NAV2: variants seen among roughly 807,000 people sequenced by gnomAD.
NAV2 encodes the protein neuron navigator 2.
In NAV2, 54 loss-of-function variants were observed where a neutral mutation model predicts 223.2. That is an observed-to-expected ratio of 0.24 (90% CI 0.19 to 0.30). The LOEUF is 0.30. Among genes scored for constraint, NAV2 ranks in the 10% least tolerant of loss-of-function variants. The pLI is 1.00. For synonymous variants in NAV2, 1,279 were observed against 1,239.3 expected, an observed-to-expected ratio of 1.03 and a Z score of -0.67; for missense variants, 2,806 against 3,147.5, an observed-to-expected ratio of 0.89 and a Z score of 2.60.
intron 1 of NAV2, among the ~76,000 whole-genome samples, chr11:19,426,342 C>T (rs964533235): frequency 2.6e-5 from 4 of 152,174 alleles, no homozygotes; most frequent in Non-Finnish European, 5.9e-5. Context: ...TTCCCCAGGG[C>T]ATTTAATGGC....
At chr11:19,790,622 T>A (rs2057449955) in intron 1 of NAV2, among the ~76,000 whole-genome samples, 1 of 152,198 alleles carries the variant, frequency 6.6e-6, no homozygotes, top group Admixed American at 6.5e-5. Context: ...CTATGATTCC[T>A]CCTCTGTAAG....
At chr11:19,508,533 A>G (rs913974808) in intron 1 of NAV2, among the ~76,000 whole-genome samples, 1 of 151,832 alleles carries the variant, frequency 6.6e-6, no homozygotes, top group Non-Finnish European at 1.5e-5. Flanking sequence ...TCTCAGTCCC[A>G]TTTACTGTTG....
intron 1 of NAV2, among the ~76,000 whole-genome samples, chr11:19,467,010 C>G (rs1310976192): frequency 7.4e-6 from 1 of 135,896 alleles, no homozygotes; most frequent in African/African-American, 2.7e-5. Flanking sequence ...CACACACACA[C>G]ACACACACAG....
chr11:19,995,930 T>C (rs1417229609), intron 11 of NAV2, among the ~76,000 whole-genome samples: 2 of 152,154 alleles, frequency 1.3e-5, no homozygotes, highest in Admixed American at 1.3e-4. Flanking sequence ...AGCAGGGCAG[T>C]GGTCAGCCTG....
chr11:19,626,350 T>A (rs2047170121), intron 1 of NAV2, among the ~76,000 whole-genome samples: 1 of 152,226 alleles, frequency 6.6e-6, no homozygotes, highest in South Asian at 2.1e-4. Context: ...ATATGTGGGT[T>A]AATTTCTGGG....
chr11:19,424,840 C>T (rs992644976), intron 1 of NAV2, among the ~76,000 whole-genome samples: 11 of 152,192 alleles, frequency 7.2e-5, no homozygotes, highest in Admixed American at 5.9e-4. Flanking sequence ...CATAAGCCAC[C>T]GTGCCCGGCC....
intron 6 of NAV2, among the ~76,000 whole-genome samples, chr11:19,900,481 T>C (rs2042361205): frequency 3.3e-5 from 5 of 152,112 alleles, no homozygotes; most frequent in African/African-American, 4.8e-5. Context: ...CAAAAGACCA[T>C]CACAGGCCAT....
chr11:19,807,861 G>A (rs766116180), intron 1 of NAV2, among the ~76,000 whole-genome samples: 7 of 152,176 alleles, frequency 4.6e-5, no homozygotes, highest in Non-Finnish European at 8.8e-5. Flanking sequence ...CTGACTCTTT[G>A]ATATTCCTTG....
chr11:19,749,399 T>C (rs537321826), intron 1 of NAV2, among the ~76,000 whole-genome samples: 1 of 152,334 alleles, frequency 6.6e-6, no homozygotes, highest in South Asian at 2.1e-4. Context: ...AAAATGTCGT[T>C]ATTTTTTATG....
At chr11:19,605,065 T>G (rs2135277310) in intron 1 of NAV2, among the ~76,000 whole-genome samples, 1 of 152,304 alleles carries the variant, frequency 6.6e-6, no homozygotes, top group African/African-American at 2.4e-5. Context: ...ATACATTGGT[T>G]AACTTACCCA....
At chr11:20,065,105 G>C (rs139119618) in intron 20 of NAV2, among the ~76,000 whole-genome samples, 1 of 152,178 alleles carries the variant, frequency 6.6e-6, no homozygotes, top group Non-Finnish European at 1.5e-5. Flanking sequence ...AAAACTACAA[G>C]TCTGGCTAGA....
chr11:19,350,844 G>A (rs1195430809), exon 1 of NAV2: 15 of 1,070,866 alleles, frequency 1.4e-5, no homozygotes, highest in Non-Finnish European at 2.1e-5. Flanking sequence ...TCCTTGGCTG[G>A]CGGGAACTCT....
intron 11 of NAV2, among the ~76,000 whole-genome samples, chr11:19,997,008 C>G (rs1283317858): frequency 6.6e-6 from 1 of 152,086 alleles, no homozygotes; most frequent in Non-Finnish European, 1.5e-5. Context: ...GAGAGACTCA[C>G]AAGCCTACGG....
chr11:19,939,639 C>T, intron 7 of NAV2, 22 bp from the exon 8 acceptor site: 1 of 1,601,830 alleles, frequency 6.2e-7, no homozygotes, highest in Non-Finnish European at 8.6e-7. Context: ...ACAAGTGTGT[C>T]TGCTTCGGTT....
chr11:19,912,876 G>A (rs112933024), intron 6 of NAV2, among the ~76,000 whole-genome samples: 1 of 152,204 alleles, frequency 6.6e-6, no homozygotes, highest in African/African-American at 2.4e-5. Flanking sequence ...GTTACTAAAG[G>A]CAGGATTAAG....
intron 17 of NAV2, 89 bp downstream of exon 17, chr11:20,051,422 G>C: frequency 7.7e-7 from 1 of 1,295,990 alleles, no homozygotes. Flanking sequence ...GGGGGTTTGG[G>C]CTGGGCTGGG....
intron 4 of NAV2, 27 bp from the exon 5 acceptor site, chr11:19,879,842 G>A: frequency 6.2e-7 from 1 of 1,613,724 alleles, no homozygotes; most frequent in East Asian, 2.2e-5. Flanking sequence ...CTCCCCATCT[G>A]ACAAGAGTCT....
intron 1 of NAV2, among the ~76,000 whole-genome samples, chr11:19,562,725 T>C (rs1277652012): frequency 1.3e-5 from 2 of 152,162 alleles, no homozygotes; most frequent in Non-Finnish European, 2.9e-5. Flanking sequence ...GGTGTGGATT[T>C]ACGCAGCACT....
chr11:20,106,475 G>A (rs1254682746), intron 35 of NAV2, among the ~76,000 whole-genome samples: 3 of 139,230 alleles, frequency 2.2e-5, no homozygotes, highest in Non-Finnish European at 3.1e-5. Flanking sequence ...CAGGAGAATC[G>A]CTTGAACCCA....
Sources: allele counts gnomAD v4.1 joint callset (sites outside exome capture counted in the v4.1 genomes callset), GRCh38; gene constraint gnomAD v4.1.1; transcripts MANE v1.5; gene names NCBI Gene and HGNC (gene_info 2026-07-23, HGNC 2026-07-21).